GPC5: variants seen among roughly 807,000 people sequenced by gnomAD.
GPC5 encodes the protein glypican 5, also known as glypican-5.
In GPC5, 47 loss-of-function variants were observed where a neutral mutation model predicts 53.9. That is an observed-to-expected ratio of 0.87 (90% CI 0.69 to 1.11). GPC5 has a LOEUF of 1.11. Ranked by LOEUF, GPC5 falls within the 50% of genes most tolerant of loss-of-function variation. The pLI is 0.00. For missense variants in GPC5, 748 were observed against 713.1 expected, an observed-to-expected ratio of 1.05 and a Z score of -0.56; for synonymous variants, 286 against 263.3, an observed-to-expected ratio of 1.09 and a Z score of -0.84.
intron 7 of GPC5, among the ~76,000 whole-genome samples, chr13:92,645,190 G>C (rs1885726909): frequency 6.6e-6 from 1 of 152,136 alleles, no homozygotes; most frequent in South Asian, 2.1e-4. Flanking sequence ...TCTGGGCCCA[G>C]GCTGGAGTGC....
At chr13:92,528,582 T>C (rs1881443838) in intron 7 of GPC5, among the ~76,000 whole-genome samples, 1 of 152,072 alleles carries the variant, frequency 6.6e-6, no homozygotes, top group Non-Finnish European at 1.5e-5. Context: ...TTTATATAAA[T>C]AGTATATTTC....
Position 92,365,376 on chromosome 13 carries a change from T to C in GPC5, c.1561+220387T>C, listed in dbSNP as rs1265909100. 2.6e-5 allele frequency among the ~76,000 whole-genome samples: 4 copies of C among 151,770 alleles called. 1 individual carries two copies. The highest frequency in any genetic ancestry group is 9.7e-5 in the African/African-American group (4 of 41,030). ...TAGGGCATTTACCATGAATGGAGCT[T>C]GCAAGACTGACAGTTGCTCTGGGCA... On this transcript the variant is annotated intron_variant, in intron 7 of 7. Coordinates refer to ENST00000377067, the MANE Select transcript of GPC5 (RefSeq NM_004466.6).
At chr13:92,740,944 G>GTATATATATATATATA (rs1421237068) in intron 7 of GPC5, among the ~76,000 whole-genome samples, 1 of 96,886 alleles carries the variant, frequency 1.0e-5, no homozygotes, top group Non-Finnish European at 2.2e-5. Context: ...ATGTATGTGT[G>GTATATATATATATATA]TATATATATG....
At chr13:91,924,538 A>T (rs891997815) in intron 6 of GPC5, among the ~76,000 whole-genome samples, 4 of 152,042 alleles carry the variant, frequency 2.6e-5, no homozygotes, top group African/African-American at 9.7e-5. Flanking sequence ...CAGCCTGGGC[A>T]ACATGGTGAA....
At chr13:92,703,802 G>C (rs1018855644) in intron 7 of GPC5, among the ~76,000 whole-genome samples, 3 of 151,832 alleles carry the variant, frequency 2.0e-5, no homozygotes, top group Non-Finnish European at 4.4e-5. Context: ...TGTTCAGTAA[G>C]TTTAAATATA....
At chr13:92,645,145 C>A (rs72632632) in intron 7 of GPC5, among the ~76,000 whole-genome samples, 11,668 of 152,114 alleles carry the variant, frequency 0.077, 852 homozygotes, top group East Asian at 0.31. Flanking sequence ...CTCTGGTGCC[C>A]CTTTAAAGTC....
At chr13:92,560,583 AT>A (rs1342542600) in intron 7 of GPC5, among the ~76,000 whole-genome samples, 10 of 152,014 alleles carry the variant, frequency 6.6e-5, no homozygotes, top group African/African-American at 2.4e-4. Context: ...GGTTCTCCAT[AT>A]CCCCGGCATA....
At chr13:92,100,328 G>A (rs2041455526) in intron 6 of GPC5, among the ~76,000 whole-genome samples, 1 of 151,974 alleles carries the variant, frequency 6.6e-6, no homozygotes, top group African/African-American at 2.4e-5. Context: ...CTTTAACCTG[G>A]GAGGCAGAGG....
intron 7 of GPC5, among the ~76,000 whole-genome samples, chr13:92,412,552 G>A (rs1837222521): frequency 6.6e-6 from 1 of 152,128 alleles, no homozygotes; most frequent in South Asian, 2.1e-4. Flanking sequence ...TGTGACATGT[G>A]ATAATTATAT....
At chr13:92,761,606 C>T (rs1290912319) in intron 7 of GPC5, among the ~76,000 whole-genome samples, 1 of 152,066 alleles carries the variant, frequency 6.6e-6, no homozygotes, top group Non-Finnish European at 1.5e-5. Flanking sequence ...CTATTTGTGT[C>T]CTTAATGCTA....
chr13:91,604,747 T>C (rs1046794481), intron 2 of GPC5, among the ~76,000 whole-genome samples: 2 of 73,744 alleles, frequency 2.7e-5, no homozygotes, highest in African/African-American at 1.4e-4. Flanking sequence ...TGCATAAATG[T>C]CTTCTTTTGA....
At chr13:92,090,040 GA>G (rs1470617760) in intron 6 of GPC5, among the ~76,000 whole-genome samples, 1 of 152,104 alleles carries the variant, frequency 6.6e-6, no homozygotes, top group Non-Finnish European at 1.5e-5. Flanking sequence ...CTTATGTGGT[GA>G]AAAAGTATGT....
chr13:92,718,729 C>T (rs146490294), intron 7 of GPC5, among the ~76,000 whole-genome samples: 109 of 151,892 alleles, frequency 7.2e-4, no homozygotes, highest in Non-Finnish European at 1.3e-3. Flanking sequence ...AAAACTTAGC[C>T]GGGCATGATT....
intron 5 of GPC5, among the ~76,000 whole-genome samples, chr13:91,879,917 T>G (rs1309259499): frequency 6.6e-6 from 1 of 152,162 alleles, no homozygotes; most frequent in Non-Finnish European, 1.5e-5. Flanking sequence ...ACTATGTTTA[T>G]AAGAGATACT....
chr13:91,910,907 T>G (rs2039603691), intron 6 of GPC5, among the ~76,000 whole-genome samples: 1 of 152,042 alleles, frequency 6.6e-6, no homozygotes, highest in Non-Finnish European at 1.5e-5. Flanking sequence ...AGCTGACACA[T>G]GTTATAAACA....
chr13:92,440,606 G>T (rs902342662), intron 7 of GPC5, among the ~76,000 whole-genome samples: 5 of 152,222 alleles, frequency 3.3e-5, no homozygotes, highest in African/African-American at 9.6e-5. Flanking sequence ...TTTCCTTTGG[G>T]TATATACCCA....
chr13:92,317,045 C>G (rs576666870), intron 7 of GPC5, among the ~76,000 whole-genome samples: 2 of 152,258 alleles, frequency 1.3e-5, no homozygotes, highest in East Asian at 3.9e-4. Flanking sequence ...AGTCATACTA[C>G]AAGCAATTAT....
At chr13:91,575,512 A>G (rs765267032) in intron 2 of GPC5, among the ~76,000 whole-genome samples, 6 of 152,140 alleles carry the variant, frequency 3.9e-5, no homozygotes, top group Non-Finnish European at 8.8e-5. Context: ...ACAAGAAAGT[A>G]TTACCCTTTA....
At chr13:92,597,508 T>C (rs1246393162) in intron 7 of GPC5, among the ~76,000 whole-genome samples, 4 of 152,068 alleles carry the variant, frequency 2.6e-5, no homozygotes, top group African/African-American at 4.8e-5. Context: ...TCAATTACAT[T>C]TCTACAAAAT....
Sources: gnomAD v4.1 joint callset for allele counts (sites outside exome capture counted in the v4.1 genomes callset) on GRCh38, gnomAD v4.1.1 for gene constraint, MANE v1.5 for transcripts, NCBI Gene and HGNC (gene_info 2026-07-23, HGNC 2026-07-21) for gene names.